The following ADGRL3 variants were observed in gnomAD, a reference collection of about 807,000 sequenced individuals.
ADGRL3 encodes calcium-independent alpha-latrotoxin receptor 3.
ADGRL3 carries 62 observed loss-of-function variants against 153.5 expected under a neutral mutation model. The observed-to-expected ratio is 0.40, with a 90% CI of 0.33 to 0.50. The LOEUF is 0.50. Ranked by LOEUF, ADGRL3 falls within the 20% of genes least tolerant of loss-of-function variation. The pLI is 0.47. For missense variants in ADGRL3, 1,641 were observed against 1,859.4 expected (o/e 0.88, Z 2.16); for synonymous variants, 710 against 672.5 (o/e 1.06, Z -0.86).
At chr4:61,611,530 A>C (rs1198977275) in intron 5 of ADGRL3, among the ~76,000 whole-genome samples, 2 of 152,138 alleles carry the variant, frequency 1.3e-5, no homozygotes, top group Non-Finnish European at 2.9e-5. Context: ...TAGGGAGGCA[A>C]GCTGTTCTCC....
At chr4:61,544,926 CTCT>C (rs2098706808) in intron 4 of ADGRL3, among the ~76,000 whole-genome samples, 1 of 152,052 alleles carries the variant, frequency 6.6e-6, no homozygotes, top group African/African-American at 2.4e-5. Context: ...TTTTCTTTTA[CTCT>C]TTTTTTTCAG....
At chr4:61,456,414 T>G (rs373101843) in intron 2 of ADGRL3, among the ~76,000 whole-genome samples, 1,264 of 53,384 alleles carry the variant, frequency 0.024, 14 homozygotes, top group Non-Finnish European at 0.041. Context: ...TATATATATA[T>G]AGATATATCT....
chr4:62,037,986 T>C, intron 24 of ADGRL3, 130 bp downstream of exon 24: 1 of 956,120 alleles, frequency 1.0e-6, no homozygotes, highest in East Asian at 2.5e-5. Context: ...GTGTCTCACA[T>C]GGGAATGATT....
chr4:61,452,607 C>T (rs1259784421), intron 2 of ADGRL3, among the ~76,000 whole-genome samples: 1 of 152,188 alleles, frequency 6.6e-6, no homozygotes, highest in African/African-American at 2.4e-5. Context: ...ATTCTCAGCT[C>T]TTGTCAAGCA....
chr4:61,841,089 T>C (rs1274298320), intron 9 of ADGRL3, among the ~76,000 whole-genome samples: 2 of 152,166 alleles, frequency 1.3e-5, no homozygotes, highest in Non-Finnish European at 2.9e-5. Context: ...TAGATTCCCA[T>C]AAAAGGCAAG....
intron 22 of ADGRL3, among the ~76,000 whole-genome samples, chr4:62,030,569 T>C (rs1261457374): frequency 6.6e-6 from 1 of 151,600 alleles, no homozygotes; most frequent in Non-Finnish European, 1.5e-5. Context: ...GCTTATACTC[T>C]TGCAAATGAC....
At chr4:61,637,608 C>CA (rs1160256374) in intron 5 of ADGRL3, among the ~76,000 whole-genome samples, 4 of 151,954 alleles carry the variant, frequency 2.6e-5, no homozygotes, top group African/African-American at 9.7e-5. Context: ...TGCAAAAATA[C>CA]AAAAATTATC....
At chr4:61,792,633 G>A (rs1051741299) in intron 8 of ADGRL3, among the ~76,000 whole-genome samples, 10 of 151,874 alleles carry the variant, frequency 6.6e-5, no homozygotes, top group African/African-American at 2.4e-4. Flanking sequence ...GGGATTACAG[G>A]TGCATGCCAC....
At chr4:61,960,955 G>A (rs143172931) in intron 17 of ADGRL3, among the ~76,000 whole-genome samples, 11,123 of 152,096 alleles carry the variant, frequency 0.073, 504 homozygotes, top group East Asian at 0.18. Context: ...TGATCTGCCC[G>A]CCTTGGCCTC....
rs546849106 is a variant in ADGRL3, at chr4:61,647,717, A to G, written c.474-29109A>G. Among the ~76,000 whole-genome samples the G allele has an allele frequency of 1.0e-3, 155 of 150,334 alleles. 1 individual carries two copies. Among genetic ancestry groups the G allele is most frequent in the Middle Eastern group, 0.01 (3 of 292 alleles). Reference sequence around the variant, plus strand: ...AATTATCAATAAGAATGCAAAAATTAACAATAGACTTTTCACACTGAAATT... The same window carrying G: ...AATTATCAATAAGAATGCAAAAATTGACAATAGACTTTTCACACTGAAATT... On this transcript the variant is annotated intron_variant, in intron 5 of 26. Coordinates refer to ENST00000683033, the MANE Select transcript of ADGRL3 (RefSeq NM_001387552.1).
chr4:61,627,866 ATCTGAGTCACTG>A (rs1434178110), intron 5 of ADGRL3, among the ~76,000 whole-genome samples: 1 of 152,132 alleles, frequency 6.6e-6, no homozygotes, highest in East Asian at 1.9e-4. Flanking sequence ...TTTGAAGATT[ATCTGAGTCACTG>A]TCATATGTTT....
At chr4:61,879,559 C>A (rs1301688035) in intron 9 of ADGRL3, among the ~76,000 whole-genome samples, 1 of 152,058 alleles carries the variant, frequency 6.6e-6, no homozygotes, top group African/African-American at 2.4e-5. Context: ...CATGTTGGCA[C>A]TTAAAAACTT....
intron 5 of ADGRL3, among the ~76,000 whole-genome samples, chr4:61,624,981 AT>A (rs535277453): frequency 3.9e-5 from 6 of 152,042 alleles, no homozygotes; most frequent in Non-Finnish European, 7.4e-5. Flanking sequence ...TTTAGGGACA[AT>A]TTTTTTGCCT....
At chr4:61,204,693 A>G (rs1187603516) in intron 1 of ADGRL3, among the ~76,000 whole-genome samples, 1 of 152,210 alleles carries the variant, frequency 6.6e-6, no homozygotes, top group African/African-American at 2.4e-5. Flanking sequence ...GACTATTTCT[A>G]CAAAATCAGG....
intron 10 of ADGRL3, 105 bp from the exon 11 acceptor site, chr4:61,895,626 A>G: frequency 3.3e-6 from 2 of 601,750 alleles, no homozygotes; most frequent in Non-Finnish European, 5.9e-6. Flanking sequence ...TAAACATTAT[A>G]TCAATTTAAT....
At chr4:61,621,414 C>CAGT (rs925731400) in intron 5 of ADGRL3, among the ~76,000 whole-genome samples, 49 of 152,230 alleles carry the variant, frequency 3.2e-4, no homozygotes, top group African/African-American at 1.2e-3. Context: ...CCCCAGTATA[C>CAGT]AGTATCCTTG....
intron 1 of ADGRL3, among the ~76,000 whole-genome samples, chr4:61,256,444 G>C (rs762596576): frequency 1.3e-5 from 2 of 151,890 alleles, no homozygotes; most frequent in East Asian, 3.9e-4. Flanking sequence ...AAAACGGTGA[G>C]TTTTTTTCTG....
intron 1 of ADGRL3, among the ~76,000 whole-genome samples, chr4:61,363,870 A>T (rs1352605560): frequency 6.6e-6 from 1 of 152,128 alleles, no homozygotes; most frequent in Non-Finnish European, 1.5e-5. Context: ...CTAATGTAAG[A>T]GGTAGAATTT....
intron 4 of ADGRL3, among the ~76,000 whole-genome samples, chr4:61,554,703 T>C (rs778433774): frequency 6.6e-6 from 1 of 152,168 alleles, no homozygotes; most frequent in Non-Finnish European, 1.5e-5. Flanking sequence ...GTGGCCATAC[T>C]GAATTAAACT....
Sources: allele counts gnomAD v4.1 joint callset (sites outside exome capture counted in the v4.1 genomes callset), GRCh38; gene constraint gnomAD v4.1.1; transcripts MANE v1.5; gene names NCBI Gene and HGNC (gene_info 2026-07-23, HGNC 2026-07-21).